PXK: variants seen among roughly 807,000 people sequenced by gnomAD.
PXK encodes PX domain containing serine/threonine kinase like.
A neutral mutation model predicts 84.7 loss-of-function variants in PXK; 35 were observed. The observed-to-expected ratio is 0.41, with a 90% CI of 0.32 to 0.55. The LOEUF is 0.55. Among genes scored for constraint, PXK ranks in the 20% least tolerant of loss-of-function variants. The pLI, the probability that PXK is intolerant of heterozygous loss-of-function variation, is 0.21. For synonymous variants in PXK, 253 were observed against 260.8 expected (o/e 0.97, Z 0.29); for missense variants, 634 against 699.7 (o/e 0.91, Z 1.06).
intron 1 of PXK, among the ~76,000 whole-genome samples, chr3:58,360,497 C>G (rs1290007776): frequency 6.6e-6 from 1 of 152,096 alleles, no homozygotes; most frequent in East Asian, 1.9e-4. Flanking sequence ...TATGATACCA[C>G]TCAAAGTTAG....
intron 1 of PXK, among the ~76,000 whole-genome samples, chr3:58,341,344 T>G (rs967488067): frequency 1.3e-5 from 2 of 152,066 alleles, no homozygotes; most frequent in Non-Finnish European, 2.9e-5. Context: ...GGCAGATCAC[T>G]TGAGGTCAGG....
At position 58,379,670 on chromosome 3, in the gene PXK, T is replaced by C. The variant is rs962405981; in HGVS notation, c.202-2844T>C. 1 of 152,084 alleles carries C rather than the reference T, an allele frequency of 6.6e-6. No homozygotes were observed. The highest frequency in any genetic ancestry group is 1.5e-5 in the Non-Finnish European group (1 of 68,036). The allele number at this position is 152,084 out of a possible 1,614,324, so 9.4% of individuals were successfully genotyped here. ...CTTCTCAGAGAGATAAGAAATGGTA[T>C]TACATTCAAGGTGCTATTAAGGAAG... On this transcript the variant is annotated intron_variant, in intron 3 of 17. Coordinates refer to ENST00000356151, the MANE Select transcript of PXK (RefSeq NM_017771.5). This position sits in a 1 kb window ranked among gnomAD's most constrained non-coding sequence, Gnocchi z 5.1.
intron 17 of PXK, among the ~76,000 whole-genome samples, chr3:58,417,263 T>C (rs2061119125): frequency 6.6e-6 from 1 of 152,228 alleles, no homozygotes; most frequent in Non-Finnish European, 1.5e-5. Flanking sequence ...AACTCTGGCC[T>C]TTGGCAGTTT....
chr3:58,413,127 T>C, intron 17 of PXK, 164 bp downstream of exon 17: 5 of 734,262 alleles, frequency 6.8e-6, no homozygotes, highest in Non-Finnish European at 1.1e-5. Flanking sequence ...TTGGGAGAGC[T>C]GAGGGGCTAG....
chr3:58,382,417 T>A (rs2098511649), intron 3 of PXK, 97 bp from the exon 4 acceptor site: 3 of 1,033,844 alleles, frequency 2.9e-6, no homozygotes, highest in Non-Finnish European at 3.9e-6. Flanking sequence ...AAAATCTGCA[T>A]TGTCTTAGGT....
chr3:58,378,796 A>G (rs2098470391), intron 3 of PXK, among the ~76,000 whole-genome samples: 1 of 152,028 alleles, frequency 6.6e-6, no homozygotes, highest in Admixed American at 6.6e-5. Flanking sequence ...TCGGCCTCCC[A>G]AAGTGCTGGG....
intron 1 of PXK, among the ~76,000 whole-genome samples, chr3:58,356,713 C>G (rs1292505617): frequency 6.6e-6 from 1 of 151,710 alleles, no homozygotes. Context: ...AAGTGATCCT[C>G]CTGCCTAAGC....
intron 17 of PXK, among the ~76,000 whole-genome samples, chr3:58,420,126 A>C (rs1338214118): frequency 1.3e-5 from 2 of 152,164 alleles, no homozygotes; most frequent in Non-Finnish European, 2.9e-5. Context: ...ATCTTGATCA[A>C]CTGTCCTTGT....
chr3:58,375,803 A>C (rs6774357), intron 3 of PXK, among the ~76,000 whole-genome samples: 44,370 of 151,884 alleles, frequency 0.29, 7,229 homozygotes, highest in Middle Eastern at 0.4. Flanking sequence ...TAAATAATTA[A>C]CTTGTTAAGT....
chr3:58,372,575 G>A (rs1472992601), intron 3 of PXK, among the ~76,000 whole-genome samples: 10 of 150,890 alleles, frequency 6.6e-5, no homozygotes, highest in African/African-American at 2.4e-4. Flanking sequence ...GCCTGCCTCG[G>A]CCTCCCAAAG....
chr3:58,346,976 C>T (rs1401399955), intron 1 of PXK, among the ~76,000 whole-genome samples: 2 of 152,140 alleles, frequency 1.3e-5, no homozygotes, highest in Non-Finnish European at 2.9e-5. Context: ...GTAGCTGGGA[C>T]TACAGGCGCG....
chr3:58,389,089 A>G (rs1421988927), intron 4 of PXK, among the ~76,000 whole-genome samples: 2 of 152,152 alleles, frequency 1.3e-5, no homozygotes, highest in Admixed American at 6.5e-5. Context: ...AATGCAAAGA[A>G]CTTTAAAGAA....
At chr3:58,369,559 T>G in intron 3 of PXK, 81 bp downstream of exon 3, 50 of 1,103,834 alleles carry the variant, frequency 4.5e-5, no homozygotes, top group Non-Finnish European at 6.4e-5. Context: ...GCACGGTGGC[T>G]CAACGCCTGT....
chr3:58,400,901 G>A lies in PXK; in HGVS notation c.1181+1524G>A, dbSNP rs566530708. Among the ~76,000 whole-genome samples, 1 of 152,176 alleles carries A rather than the reference G, an allele frequency of 6.6e-6. No homozygotes were observed. Among genetic ancestry groups the A allele is most frequent in the Non-Finnish European group, 1.5e-5 (1 of 68,044 alleles). On this transcript the variant is annotated intron_variant, in intron 12 of 17. Transcript: ENST00000356151. The surrounding 1 kb of genome is among the most constrained non-coding windows in gnomAD (Gnocchi z 4.0). Reference sequence around the variant, plus strand: ...ACTGCACTCCAGCCTGGGTGACAGAGCAAGACTCCGTCTCAAAACAAAACA... The same window carrying A: ...ACTGCACTCCAGCCTGGGTGACAGAACAAGACTCCGTCTCAAAACAAAACA...
In PXK at chr3:58,364,648, G is replaced by C. The variant is rs1485809069; in HGVS notation, c.103-1226G>C. Among the ~76,000 whole-genome samples the C allele has an allele frequency of 6.6e-6, 1 of 152,116 alleles. No homozygotes were observed. The highest frequency in any genetic ancestry group is 1.5e-5 in the Non-Finnish European group (1 of 68,034). On this transcript the variant is annotated intron_variant, in intron 1 of 17. Transcript: ENST00000356151. The surrounding 1 kb of genome is among the most constrained non-coding windows in gnomAD (Gnocchi z 4.3). ...AATTGCTTGAACCCAGGAGGCGGAA[G>C]TGGCAGTGAGCTGAGATCGTGCCAC...
chr3:58,395,009 C>T lies in PXK; in HGVS notation c.627C>T (p.Ile209=). The T allele has an allele frequency of 1.2e-6, 2 of 1,612,366 alleles. No homozygotes were observed. The highest frequency in any genetic ancestry group is 8.5e-7 in the Non-Finnish European group (1 of 1,178,464). Reference sequence around the variant, plus strand: ...TTTTGTTTTGACAGCACCCTTACATCTATCGGGTTACCTTTGCCACAGCTA... The same window carrying T: ...TTTTGTTTTGACAGCACCCTTACATTTATCGGGTTACCTTTGCCACAGCTA... ...KLLPSCLHPY[I]YRVTFATANE... Residue 209 remains isoleucine (I), a synonymous_variant, in exon 8 of 18, where the codon ATC becomes ATT. Coordinates refer to ENST00000356151, the MANE Select transcript of PXK (RefSeq NM_017771.5).
At chr3:58,369,370 A>G (rs944506578) in intron 2 of PXK, 61 bp from the exon 3 acceptor site, 6 of 1,335,434 alleles carry the variant, frequency 4.5e-6, no homozygotes, top group Non-Finnish European at 6.4e-6. Flanking sequence ...TACATATTAA[A>G]TAAAGAAATG....
intron 1 of PXK, among the ~76,000 whole-genome samples, chr3:58,352,674 A>G (rs2097957450): frequency 6.6e-6 from 1 of 152,176 alleles, no homozygotes; most frequent in Non-Finnish European, 1.5e-5. Flanking sequence ...TCATTATACT[A>G]TAGAATGCTG....
intron 17 of PXK, among the ~76,000 whole-genome samples, chr3:58,415,344 T>C (rs942053950): frequency 2.6e-5 from 4 of 152,240 alleles, no homozygotes; most frequent in African/African-American, 9.6e-5. Flanking sequence ...CCAGAACTTT[T>C]GACCGGCCAG....
Sources: gnomAD v4.1 joint callset for allele counts (sites outside exome capture counted in the v4.1 genomes callset) on GRCh38, gnomAD v4.1.1 for gene constraint, Gnocchi (gnomAD v3.1) non-coding constraint, MANE v1.5 for transcripts, NCBI Gene and HGNC (gene_info 2026-07-23, HGNC 2026-07-21) for gene names.